The following PLSCR2 variants were observed in gnomAD, a reference collection of about 807,000 sequenced individuals.
PLSCR2 encodes the protein phospholipid scramblase 2, also known as PL scramblase 2.
In PLSCR2, 18 loss-of-function variants were observed where a neutral mutation model predicts 25.3. That is an observed-to-expected ratio of 0.71 (90% confidence interval 0.49 to 1.06). The LOEUF is 1.06. Among genes scored for constraint, PLSCR2 ranks in the 50% least tolerant of loss-of-function variants. The pLI is 0.00. For missense variants in PLSCR2, 243 were observed against 269.5 expected (o/e 0.90, Z 0.69); for synonymous variants, 88 against 87.3 (o/e 1.01, Z -0.04).
intron 2 of PLSCR2, chr3:146,398,513 CA>C (rs1440778259): frequency 1.4e-5 from 2 of 140,102 alleles, no homozygotes; most frequent in East Asian, 4.3e-4. Context: ...ATTAGTAATC[CA>C]ATTTTTTTTT....
intron 1 of PLSCR2, among the ~76,000 whole-genome samples, chr3:146,477,246 G>T (rs1238880178): frequency 1.3e-5 from 2 of 152,216 alleles, no homozygotes; most frequent in Non-Finnish European, 2.9e-5. Flanking sequence ...GACAATGGGT[G>T]CAGCCCACGG....
At chr3:146,485,767 T>C (rs1466270645) in intron 1 of PLSCR2, among the ~76,000 whole-genome samples, 1 of 152,086 alleles carries the variant, frequency 6.6e-6, no homozygotes, top group Non-Finnish European at 1.5e-5. Context: ...GGGCAATTTA[T>C]AAAAGAGGTT....
intron 1 of PLSCR2, 82 bp from the exon 2 acceptor site, chr3:146,460,165 A>G: frequency 1.4e-6 from 2 of 1,386,622 alleles, no homozygotes; most frequent in Non-Finnish European, 9.5e-7. Context: ...GTTATCTACA[A>G]ACTGACCTCT....
chr3:146,398,185 A>G (rs1215714329), intron 2 of PLSCR2, among the ~76,000 whole-genome samples: 1 of 151,926 alleles, frequency 6.6e-6, no homozygotes. Context: ...AACTATGTGA[A>G]GTATGTTTAG....
chr3:146,392,349 T>C (rs1317723551), intron 3 of PLSCR2, among the ~76,000 whole-genome samples: 1 of 152,122 alleles, frequency 6.6e-6, no homozygotes, highest in East Asian at 1.9e-4. Context: ...GCATTGAGCA[T>C]ACATCATTAG....
At chr3:146,423,050 T>C (rs1372364319) in intron 2 of PLSCR2, among the ~76,000 whole-genome samples, 1 of 152,062 alleles carries the variant, frequency 6.6e-6, no homozygotes, top group Non-Finnish European at 1.5e-5. Flanking sequence ...ATGTCGGCAG[T>C]GTGTATGGGC....
chr3:146,492,303 T>A (rs967306867), intron 1 of PLSCR2, among the ~76,000 whole-genome samples: 53 of 152,230 alleles, frequency 3.5e-4, no homozygotes, highest in African/African-American at 1.3e-3. Flanking sequence ...ACCAAACAGA[T>A]GTAACAGACA....
At position 146,468,205 on chromosome 3, in the gene PLSCR2, C is replaced by T. The variant is rs531789426; in HGVS notation, c.-292-7921G>A. On this transcript the variant is annotated intron_variant, in intron 1 of 8. Coordinates refer to the PLSCR2 transcript ENST00000336685. ...ACTTGTCTATCCAACTGCAGCAATC[C>T]ACTCATTTTCCTTTGTATGTGTTTT... 8.5e-5 allele frequency among the ~76,000 whole-genome samples: 13 copies of T among 152,304 alleles called. No individual in the cohort carries two copies. The East Asian group carries it at 2.5e-3, about 29-fold the overall frequency.
chr3:146,413,029 G>T (rs1050607058), intron 2 of PLSCR2, among the ~76,000 whole-genome samples: 1 of 152,162 alleles, frequency 6.6e-6, no homozygotes, highest in Admixed American at 6.5e-5. Flanking sequence ...GGAGAACAAA[G>T]AATAAGAGAG....
At position 146,493,514 on chromosome 3, in the gene PLSCR2, G is replaced by A. The variant is rs528085430; in HGVS notation, c.-293+2381C>T. Among the ~76,000 whole-genome samples, 4 of 152,106 alleles carry A rather than the reference G, an allele frequency of 2.6e-5. No homozygotes were observed. In the South Asian group the frequency reaches 6.2e-4, roughly 24 times the overall value. ...CGAAATGTGATTCATCACATAAACA[G>A]AACTAAGAACAAAAACCACATGATC... On this transcript the variant is annotated intron_variant, in intron 1 of 8. Coordinates refer to the PLSCR2 transcript ENST00000336685.
intron 5 of PLSCR2, among the ~76,000 whole-genome samples, chr3:146,452,571 AT>A (rs1333066317): frequency 6.6e-6 from 1 of 152,168 alleles, no homozygotes; most frequent in Non-Finnish European, 1.5e-5. Flanking sequence ...AAAATTTGCT[AT>A]ATGCATTATT....
chr3:146,397,628 G>A (rs180712831), intron 2 of PLSCR2, among the ~76,000 whole-genome samples: 11 of 152,200 alleles, frequency 7.2e-5, no homozygotes, highest in Admixed American at 5.9e-4. Context: ...AGAAAAAATA[G>A]GAAGTGTTTT....
downstream of PLSCR2, among the ~76,000 whole-genome samples, chr3:146,429,026 T>G (rs1177538997): frequency 6.6e-6 from 1 of 152,230 alleles, no homozygotes; most frequent in Non-Finnish European, 1.5e-5. Flanking sequence ...TCACTAAATC[T>G]TCACACTGAC....
chr3:146,475,315 A>T (rs1034696493), intron 1 of PLSCR2, among the ~76,000 whole-genome samples: 1 of 151,522 alleles, frequency 6.6e-6, no homozygotes, highest in Non-Finnish European at 1.5e-5. Context: ...TGACCCTTGC[A>T]TGGGGTTTTT....
chr3:146,439,143 T>C (rs1440885211), downstream of PLSCR2, among the ~76,000 whole-genome samples: 2 of 152,206 alleles, frequency 1.3e-5, no homozygotes, highest in African/African-American at 2.4e-5. Context: ...CCGAGAGATC[T>C]GCTGTTAGTC....
chr3:146,398,315 G>A (rs1463361261), intron 2 of PLSCR2, among the ~76,000 whole-genome samples: 2 of 151,752 alleles, frequency 1.3e-5, no homozygotes, highest in Admixed American at 6.6e-5. Flanking sequence ...AGCAGAAACT[G>A]CGTTAATGAA....
chr3:146,445,559 G>C (rs537524059), intron 6 of PLSCR2, among the ~76,000 whole-genome samples: 1 of 151,640 alleles, frequency 6.6e-6, no homozygotes, highest in South Asian at 2.1e-4. Context: ...TTCTCTTGCT[G>C]CTTTTAGGAT....
chr3:146,436,854 G>C (rs995141872), downstream of PLSCR2, among the ~76,000 whole-genome samples: 1 of 152,132 alleles, frequency 6.6e-6, no homozygotes, highest in African/African-American at 2.4e-5. Flanking sequence ...TCTTGTGCCA[G>C]TTTTCAAAGG....
chr3:146,411,289 G>A (rs2038839910), intron 2 of PLSCR2, among the ~76,000 whole-genome samples: 1 of 152,128 alleles, frequency 6.6e-6, no homozygotes, highest in Admixed American at 6.5e-5. Context: ...AGAAAACCAA[G>A]GCTCAAACCT....
Sources: allele counts gnomAD v4.1 joint callset (sites outside exome capture counted in the v4.1 genomes callset), GRCh38; gene constraint gnomAD v4.1.1; transcripts MANE v1.5; gene names NCBI Gene and HGNC (gene_info 2026-07-23, HGNC 2026-07-21).